ZNF780B: variants seen among roughly 807,000 people sequenced by gnomAD.
The protein encoded by ZNF780B is zinc finger protein 779.
ZNF780B carries 52 observed loss-of-function variants against 74.1 expected under a neutral mutation model. The ratio of observed to expected loss-of-function variants is 0.70; its 90% CI spans 0.56 to 0.88. The LOEUF is 0.88. ZNF780B is among the 40% of genes least tolerant of loss of function. ZNF780B has a pLI of 0.00. For synonymous variants in ZNF780B, 315 were observed against 324.3 expected, an observed-to-expected ratio of 0.97 and a Z score of 0.31; for missense variants, 953 against 1,007.6, an observed-to-expected ratio of 0.95 and a Z score of 0.73.
At position 40,039,428 on chromosome 19, in the gene ZNF780B, G is replaced by GT. The variant is rs1256879801; in HGVS notation, c.233-2803dup. ...TTGGTTCCATATGAACTTTAAAGTA[G>GT]TTTTTTCCAATTCTGTGAAGAAAGT... On this transcript the variant is annotated intron_variant, in intron 4 of 4. Transcript: ENST00000434248. Among the ~76,000 whole-genome samples the GT allele has an allele frequency of 4.6e-5, 7 of 152,104 alleles. No individual in the cohort carries two copies. The East Asian group carries it at 9.7e-4, about 21-fold the overall frequency.
intron 1 of ZNF780B, 110 bp from the exon 2 acceptor site, chr19:40,050,487 C>T (rs1037780275): frequency 3.1e-5 from 33 of 1,073,656 alleles, no homozygotes; most frequent in Admixed American, 2.2e-4. Flanking sequence ...CCTGCTCACA[C>T]GCACACTTCC....
At chr19:40,047,328 G>A in intron 4 of ZNF780B, 47 bp downstream of exon 4, 2 of 1,511,010 alleles carry the variant, frequency 1.3e-6, no homozygotes, top group Middle Eastern at 1.8e-4. Context: ...CACATGGGCT[G>A]TCCGGGACAA....
intron 4 of ZNF780B, among the ~76,000 whole-genome samples, chr19:40,040,997 TA>T (rs1390325904): frequency 6.6e-6 from 1 of 152,260 alleles, no homozygotes; most frequent in African/African-American, 2.4e-5. Flanking sequence ...ATTGTGATGT[TA>T]GGGTGTCAAT....
chr19:40,047,515 A>G, intron 3 of ZNF780B, 45 bp from the exon 4 acceptor site: 1 of 1,434,824 alleles, frequency 7.0e-7, no homozygotes, highest in Non-Finnish European at 9.4e-7. Flanking sequence ...TAATATAAAA[A>G]TTTTTTTTAA....
Position 40,034,164 on chromosome 19 carries a change from C to A in ZNF780B, c.*193G>T, listed in dbSNP as rs1260513644. 3.0e-6 allele frequency: 2 copies of A among 661,118 alleles called. No individual in the cohort carries two copies. The highest frequency in any genetic ancestry group is 5.4e-6 in the Non-Finnish European group (2 of 370,378). The allele number at this position is 661,118 out of a possible 1,614,324, so 41.0% of individuals were successfully genotyped here. On this transcript the variant is annotated 3_prime_UTR_variant, in exon 5 of 5. Coordinates refer to ENST00000434248, the MANE Select transcript of ZNF780B (RefSeq NM_001005851.3). ...GTTTGAACTATGACTAAAGGCTTTC[C>A]CACATTCTTCACATTGATATGGTTT...
intron 1 of ZNF780B, among the ~76,000 whole-genome samples, chr19:40,053,680 T>A (rs1031424050): frequency 6.6e-6 from 1 of 152,016 alleles, no homozygotes; most frequent in Non-Finnish European, 1.5e-5. Flanking sequence ...AATGAATGGA[T>A]AAAGAAAATG....
intron 4 of ZNF780B, among the ~76,000 whole-genome samples, chr19:40,044,465 T>C (rs867581426): frequency 3.5e-4 from 54 of 152,200 alleles, no homozygotes; most frequent in Non-Finnish European, 2.1e-4. Flanking sequence ...AGAGAGAATG[T>C]GATTATACAT....
rs1313603561 is a variant in ZNF780B, at chr19:40,035,219, T to C, written c.1640A>G (p.His547Arg). 2.5e-6 allele frequency: 4 copies of C among 1,614,178 alleles called. No homozygotes were observed. The highest frequency in any genetic ancestry group is 1.1e-5 in the South Asian group (1 of 91,072). Residue 547 changes from histidine (H) to arginine (R), a missense_variant, in exon 5 of 5, where the codon CAT becomes CGT. By Grantham distance (29) the His-to-Arg change is conservative. Transcript: ENST00000434248. The stretch of plus-strand genomic sequence containing the variant: ...TTTCTCACCTGTATGAGTTTTCTCA[T>C]GTTGAGAAAGTTGTAGGTGAAGTCT... ...AFRLHLQLSQ[H>R]EKTHTGEKPF...
chr19:40,054,092 G>A (rs1454501375), intron 1 of ZNF780B, among the ~76,000 whole-genome samples: 1 of 152,212 alleles, frequency 6.6e-6, no homozygotes, highest in Non-Finnish European at 1.5e-5. Flanking sequence ...GGCAGAGGTT[G>A]CAGTGAACCG....
chr19:40,035,576 C>T lies in ZNF780B; in HGVS notation c.1283G>A (p.Arg428His), dbSNP rs773391047. 2.9e-5 allele frequency: 46 copies of T among 1,608,824 alleles called. No homozygotes were observed. The highest frequency in any genetic ancestry group is 2.1e-4 in the South Asian group (19 of 90,806). Reference sequence around the variant, plus strand: ...TTGATGCTGAATAAGATTTGCACCACGATTAAAGCCTTTCCCACACTCCTT... The same window carrying T: ...TTGATGCTGAATAAGATTTGCACCATGATTAAAGCCTTTCCCACACTCCTT... The part of the protein sequence containing the change: ...ECKECGKGFN[R>H]GANLIQHQKI... Residue 428 changes from arginine (R) to histidine (H), a missense_variant, in exon 5 of 5, where the codon CGT (arginine) becomes CAT (histidine). Transcript: ENST00000434248.
Position 40,036,299 on chromosome 19 carries a change from T to C in ZNF780B, c.560A>G (p.His187Arg). ...GSNLIQHQSI[H>R]TGEKPYKCKE... is the part of the protein sequence containing the mutation. ...GCATTTATAGGGTTTCTCTCCAGTA[T>C]GAATACTCTGATGCTGAATAAGATT... is the stretch of plus-strand genomic sequence containing the variant. The change falls in exon 5 of 5, where the codon CAT becomes CGT. Residue 187 changes from histidine to arginine, a missense_variant. His to Arg is a conservative substitution (Grantham distance 29, BLOSUM62 0). Transcript: ENST00000434248. The C allele has an allele frequency of 6.2e-7, 1 of 1,613,788 alleles. No homozygotes were observed. The highest frequency in any genetic ancestry group is 8.5e-7 in the Non-Finnish European group (1 of 1,179,934).
intron 2 of ZNF780B, 105 bp downstream of exon 2, chr19:40,050,219 A>G: frequency 8.5e-7 from 1 of 1,182,670 alleles, no homozygotes; most frequent in Non-Finnish European, 1.2e-6. Context: ...AAAAAAAAAA[A>G]AAAATCGTGG....
At position 40,032,181 on chromosome 19, in the gene ZNF780B, T is replaced by C; in HGVS notation, c.*2176A>G. The C allele has an allele frequency of 2.4e-6, 1 of 410,262 alleles. No individual in the cohort carries two copies. Among genetic ancestry groups the C allele is most frequent in the Non-Finnish European group, 4.8e-6 (1 of 208,286 alleles). The allele number at this position is 410,262 out of a possible 1,614,324, so 25.4% of individuals were successfully genotyped here. A position where few individuals can be genotyped will look rare whatever the true frequency, so the allele number is the denominator to read the frequency against. Reference sequence around the variant, plus strand: ...GTCATTTTTTTAAAATGAGAAATGTTCTAGACCAGTGGCTCTCTAACTCTG... The same window carrying C: ...GTCATTTTTTTAAAATGAGAAATGTCCTAGACCAGTGGCTCTCTAACTCTG... On this transcript the variant is annotated 3_prime_UTR_variant, in exon 5 of 5. Transcript: ENST00000434248.
In ZNF780B at chr19:40,036,161, G is replaced by A. The variant is rs1972297301; in HGVS notation, c.698C>T (p.Pro233Leu). The change falls in exon 5 of 5, where the codon CCC becomes CTC. Residue 233 changes from proline (P) to leucine (L), a missense_variant. Pro to Leu is a moderately conservative substitution (Grantham distance 98). Coordinates refer to ENST00000434248, the MANE Select transcript of ZNF780B (RefSeq NM_001005851.3). ...CKECGKAFNL[P>L]TQLNRHKNIH... ...GTTCTTATGGCGATTAAGCTGGGTGGGAAGATTAAAGGCTTTTCCACATTC... is the reference window on the plus strand; with the variant it reads ...GTTCTTATGGCGATTAAGCTGGGTGAGAAGATTAAAGGCTTTTCCACATTC... The A allele has an allele frequency of 6.2e-7, 1 of 1,613,706 alleles. No homozygotes were observed. The highest frequency in any genetic ancestry group is 8.5e-7 in the Non-Finnish European group (1 of 1,179,930).
At chr19:40,036,917 T>C (rs1411211344) in intron 4 of ZNF780B, among the ~76,000 whole-genome samples, 1 of 151,928 alleles carries the variant, frequency 6.6e-6, no homozygotes, top group Non-Finnish European at 1.5e-5. Flanking sequence ...AAGCTTTTTT[T>C]TTTTTTTTAA....
chr19:40,040,592 G>GT (rs1284881616), intron 4 of ZNF780B, among the ~76,000 whole-genome samples: 1 of 152,186 alleles, frequency 6.6e-6, no homozygotes, highest in Non-Finnish European at 1.5e-5. Flanking sequence ...TTCAGAGCCT[G>GT]TTATTGGTCT....
chr19:40,045,059 G>GA (rs1201972669), intron 4 of ZNF780B, among the ~76,000 whole-genome samples: 4 of 151,856 alleles, frequency 2.6e-5, no homozygotes, highest in Non-Finnish European at 5.9e-5. Flanking sequence ...GTTTATATCA[G>GA]AAAAAAACAG....
In ZNF780B at chr19:40,047,389, C is replaced by G; in HGVS notation, c.218G>C (p.Ser73Thr). Residue 73 changes from serine to threonine, a missense_variant, in exon 4 of 5, where the codon AGC becomes ACC. Coordinates refer to ENST00000434248, the MANE Select transcript of ZNF780B (RefSeq NM_001005851.3). ...EPWIVVSKET[S>T]RWYPDLESKY... ...CTCTCACTTACCTGGATACCATCTG[C>G]TTGTTTCTTTACTTACAACAATCCA... 2 of 1,613,550 alleles carry G rather than the reference C, an allele frequency of 1.2e-6. No individual in the cohort carries two copies. The highest frequency in any genetic ancestry group is 8.5e-7 in the Non-Finnish European group (1 of 1,179,562).
intron 4 of ZNF780B, among the ~76,000 whole-genome samples, chr19:40,044,791 G>A (rs918221930): frequency 6.6e-6 from 1 of 152,176 alleles, no homozygotes; most frequent in African/African-American, 2.4e-5. Context: ...AGGAACAAAG[G>A]ATAAACAAAA....
Sources: allele counts gnomAD v4.1 joint callset (sites outside exome capture counted in the v4.1 genomes callset), GRCh38; gene constraint gnomAD v4.1.1; transcripts MANE v1.5; gene names NCBI Gene and HGNC (gene_info 2026-07-23, HGNC 2026-07-21).